Variants in PPM1H observed in about 807,000 individuals in gnomAD.
PPM1H encodes the protein protein phosphatase, Mg2+/Mn2+ dependent 1H.
A neutral mutation model predicts 54.9 loss-of-function variants in PPM1H; 27 were observed. The ratio of observed to expected loss-of-function variants is 0.49; its 90% CI spans 0.36 to 0.68. The LOEUF (loss-of-function observed/expected upper bound fraction) is 0.68. PPM1H is among the 30% of genes least tolerant of loss of function. The probability of loss-of-function intolerance (pLI) is 0.00; values close to 1 mark genes in which losing one functional copy is unlikely to be tolerated. For synonymous variants in PPM1H, 305 were observed against 270.8 expected (o/e 1.13, Z -1.24); for missense variants, 596 against 667.8 (o/e 0.89, Z 1.19).
chr12:62,884,712 A>G (rs890774260), intron 1 of PPM1H, among the ~76,000 whole-genome samples: 44 of 152,204 alleles, frequency 2.9e-4, no homozygotes, highest in African/African-American at 1.0e-3. Flanking sequence ...GTTTTCTACT[A>G]CTAGGTAACA....
At chr12:62,858,558 C>T (rs1217381318) in intron 1 of PPM1H, among the ~76,000 whole-genome samples, 1 of 152,182 alleles carries the variant, frequency 6.6e-6, no homozygotes, top group African/African-American at 2.4e-5. Flanking sequence ...CTGTCCACAC[C>T]TCCACAGGGC....
At chr12:62,817,331 G>C (rs1447609121) in intron 2 of PPM1H, among the ~76,000 whole-genome samples, 2 of 151,082 alleles carry the variant, frequency 1.3e-5, no homozygotes, top group African/African-American at 4.9e-5. Context: ...GCGTGGTGGC[G>C]GGCGCCTGTA....
chr12:62,861,734 C>A (rs1047761245), intron 1 of PPM1H, among the ~76,000 whole-genome samples: 1 of 152,142 alleles, frequency 6.6e-6, no homozygotes, highest in Non-Finnish European at 1.5e-5. Flanking sequence ...AGGGCATAGA[C>A]CCAAACATTT....
At chr12:62,810,020 T>C (rs1419271431) in intron 2 of PPM1H, among the ~76,000 whole-genome samples, 1 of 152,154 alleles carries the variant, frequency 6.6e-6, no homozygotes, top group East Asian at 1.9e-4. Flanking sequence ...TACACCAGTA[T>C]GCATCAGCCC....
chr12:62,855,546 C>A (rs1269179175), intron 1 of PPM1H, among the ~76,000 whole-genome samples: 1 of 152,162 alleles, frequency 6.6e-6, no homozygotes, highest in African/African-American at 2.4e-5. Flanking sequence ...AAGATGACTT[C>A]TTAGGACCCA....
intron 1 of PPM1H, among the ~76,000 whole-genome samples, chr12:62,916,979 T>C (rs1871646017): frequency 6.7e-6 from 1 of 150,126 alleles, no homozygotes; most frequent in South Asian, 2.1e-4. Context: ...AAAGAACCAA[T>C]ACTGATTAAC....
At chr12:62,796,101 A>G (rs2076732496) in intron 3 of PPM1H, among the ~76,000 whole-genome samples, 1 of 152,216 alleles carries the variant, frequency 6.6e-6, no homozygotes, top group South Asian at 2.1e-4. Context: ...CTCAATAAAT[A>G]CTAGTGACTG....
chr12:62,912,376 C>T (rs530097887), intron 1 of PPM1H, among the ~76,000 whole-genome samples: 2 of 152,272 alleles, frequency 1.3e-5, no homozygotes, highest in South Asian at 2.1e-4. Flanking sequence ...TCACTCTACG[C>T]GTCCATTTCA....
At chr12:62,775,557 G>A (rs751824438) in intron 4 of PPM1H, among the ~76,000 whole-genome samples, 10 of 152,154 alleles carry the variant, frequency 6.6e-5, no homozygotes, top group Admixed American at 3.3e-4. Context: ...AATTACTTAC[G>A]CCTTGGTAGG....
chr12:62,822,087 A>C (rs986842903), intron 2 of PPM1H, among the ~76,000 whole-genome samples: 3 of 152,170 alleles, frequency 2.0e-5, no homozygotes, highest in African/African-American at 7.2e-5. Flanking sequence ...GAAAGCAAAA[A>C]AAAAGCAGGG....
chr12:62,905,661 G>A (rs1460631223), intron 1 of PPM1H, among the ~76,000 whole-genome samples: 2 of 152,020 alleles, frequency 1.3e-5, no homozygotes, highest in East Asian at 1.9e-4. Context: ...ACTAGTCCTC[G>A]GTAAGACAGA....
intron 9 of PPM1H, among the ~76,000 whole-genome samples, chr12:62,663,328 C>A (rs1363490998): frequency 1.5e-5 from 2 of 130,474 alleles, no homozygotes; most frequent in Non-Finnish European, 3.6e-5. Context: ...ATCTGCAATT[C>A]TCTTTTAAAA....
intron 4 of PPM1H, among the ~76,000 whole-genome samples, chr12:62,785,447 G>C (rs2076665602): frequency 6.6e-6 from 1 of 152,216 alleles, no homozygotes; most frequent in African/African-American, 2.4e-5. Flanking sequence ...AAAGTGCTGG[G>C]ATTATAGGCG....
At chr12:62,809,594 C>T (rs1012570844) in intron 2 of PPM1H, among the ~76,000 whole-genome samples, 1 of 152,140 alleles carries the variant, frequency 6.6e-6, no homozygotes, top group African/African-American at 2.4e-5. Context: ...AGAGATAGGC[C>T]TGGGGAATCA....
chr12:62,866,341 A>C (rs1869775258), intron 1 of PPM1H, among the ~76,000 whole-genome samples: 1 of 152,296 alleles, frequency 6.6e-6, no homozygotes, highest in East Asian at 1.9e-4. Context: ...GCCTGTTCAC[A>C]AATTCCTTGA....
Position 62,839,893 on chromosome 12 carries a change from C to A in PPM1H, c.246-7614G>T, listed in dbSNP as rs560562588. Among the ~76,000 whole-genome samples, 44 of 130,554 alleles carry A rather than the reference C, an allele frequency of 3.4e-4. No individual in the cohort carries two copies. The East Asian group carries it at 9.3e-3, about 28-fold the overall frequency. The allele number at this position is 130,554 out of a possible 152,430, so 85.6% of individuals were successfully genotyped here. A position where few individuals can be genotyped will look rare whatever the true frequency, so the allele number is the denominator to read the frequency against. ...TTTCTACAAAAAAAAAAAAAAAACA[C>A]CCAGTGTGGTGGCACGTGCCTATAG... is the stretch of plus-strand genomic sequence containing the variant. On this transcript the variant is annotated intron_variant, in intron 1 of 9. Coordinates refer to ENST00000228705, the MANE Select transcript of PPM1H (RefSeq NM_020700.2).
chr12:62,860,541 A>G (rs1208169333), intron 1 of PPM1H, among the ~76,000 whole-genome samples: 2 of 152,202 alleles, frequency 1.3e-5, no homozygotes, highest in Non-Finnish European at 2.9e-5. Context: ...GACTTTGAAA[A>G]TGATTTATAT....
chr12:62,735,404 GAC>G (rs1266175556), intron 5 of PPM1H, among the ~76,000 whole-genome samples: 6 of 151,952 alleles, frequency 3.9e-5, no homozygotes, highest in Non-Finnish European at 7.4e-5. Flanking sequence ...GTTTTGTAGA[GAC>G]AGCATTTTGC....
chr12:62,747,243 T>C (rs1449544579), intron 4 of PPM1H, among the ~76,000 whole-genome samples: 1 of 152,048 alleles, frequency 6.6e-6, no homozygotes, highest in Non-Finnish European at 1.5e-5. Flanking sequence ...TTCAAGTGAT[T>C]CTCCTGCCTC....
Sources: gnomAD v4.1 joint callset for allele counts (sites outside exome capture counted in the v4.1 genomes callset) on GRCh38, gnomAD v4.1.1 for gene constraint, MANE v1.5 for transcripts, NCBI Gene and HGNC (gene_info 2026-07-23, HGNC 2026-07-21) for gene names.